Variants in AGAP1 observed in about 807,000 individuals in gnomAD.
AGAP1 encodes the protein ArfGAP with GTPase domain, ankyrin repeat and PH domain 1.
Under a neutral mutation model 105.3 loss-of-function variants are expected in AGAP1, and 29 were observed. That is an observed-to-expected ratio of 0.28 (90% confidence interval 0.21 to 0.38). The LOEUF (loss-of-function observed/expected upper bound fraction) is 0.38, where lower values mean the gene tolerates loss of function less well. Ranked by LOEUF, AGAP1 falls within the 10% of genes least tolerant of loss-of-function variation. AGAP1 has a pLI of 1.00. For synonymous variants in AGAP1, 509 were observed against 485.9 expected (o/e 1.05, Z -0.63); for missense variants, 998 against 1,165.1 (o/e 0.86, Z 2.09).
At position 235,883,440 on chromosome 2, in the gene AGAP1, C is replaced by T. The variant is rs1343995111; in HGVS notation, c.1146C>T (p.Pro382=). 1.2e-6 allele frequency: 2 copies of T among 1,613,826 alleles called. No individual in the cohort carries two copies. The highest frequency in any genetic ancestry group is 2.2e-5 in the South Asian group (2 of 91,044). The change falls in exon 10 of 18, where the codon CCC becomes CCT. Residue 382 remains proline, a synonymous_variant. Transcript: ENST00000304032. This position sits in a 1 kb window ranked among gnomAD's most constrained non-coding sequence, Gnocchi z 4.5. ...ACAATGGCGTGCTGACCTATCATCC[C>T]AGTTTACATGTGAGTATAGCCCCCT... The part of the protein sequence containing the change: ...LCDNGVLTYH[P]SLHDYMQNVH...
intron 1 of AGAP1, among the ~76,000 whole-genome samples, chr2:235,532,605 TA>T (rs778025945): frequency 2.6e-5 from 4 of 152,250 alleles, no homozygotes; most frequent in Non-Finnish European, 4.4e-5. Flanking sequence ...CGCCTTTTCA[TA>T]AACTGTCTTT....
chr2:235,607,986 C>T (rs976159308), intron 1 of AGAP1, among the ~76,000 whole-genome samples: 1 of 152,204 alleles, frequency 6.6e-6, no homozygotes, highest in Non-Finnish European at 1.5e-5. Context: ...GGAAGTGCCT[C>T]AAGTGAGCGA....
At position 235,750,440 on chromosome 2, in the gene AGAP1, G is replaced by C; in HGVS notation, c.625G>C (p.Glu209Gln). Reference sequence around the variant, plus strand: ...CGACCTGAAACGGTGCACGTACTACGAGACGTGTGCTACATACGGGCTGAA... The same window carrying C: ...CGACCTGAAACGGTGCACGTACTACCAGACGTGTGCTACATACGGGCTGAA... ...SNDLKRCTYY[E>Q]TCATYGLNVE... The change falls in exon 6 of 18, where the codon GAG (glutamate) becomes CAG (glutamine). Residue 209 changes from glutamate to glutamine, a missense_variant. Glu to Gln is a conservative substitution (Grantham distance 29, BLOSUM62 2). This residue lies in a region of AGAP1 where 735 missense variants were observed against 833.4 expected (regional missense o/e 0.88). Coordinates refer to ENST00000304032, the MANE Select transcript of AGAP1 (RefSeq NM_001037131.3). This position sits in a 1 kb window ranked among gnomAD's most constrained non-coding sequence, Gnocchi z 5.3. 1 of 1,614,214 alleles carries C rather than the reference G, an allele frequency of 6.2e-7. No homozygotes were observed. Among genetic ancestry groups the C allele is most frequent in the Non-Finnish European group, 8.5e-7 (1 of 1,180,030 alleles).
chr2:235,952,351 G>A (rs72989274), intron 12 of AGAP1, among the ~76,000 whole-genome samples: 2 of 149,382 alleles, frequency 1.3e-5, no homozygotes, highest in Non-Finnish European at 2.9e-5. Context: ...TATAACATAG[G>A]TTTTAAAAAA....
At chr2:236,111,913 T>C (rs1274057231) in intron 16 of AGAP1, among the ~76,000 whole-genome samples, 1 of 152,188 alleles carries the variant, frequency 6.6e-6, no homozygotes, top group Non-Finnish European at 1.5e-5. Flanking sequence ...CACAGTTGGT[T>C]GTTGCCTTTT....
At chr2:235,990,470 G>A (rs149277491) in intron 13 of AGAP1, among the ~76,000 whole-genome samples, 1 of 152,366 alleles carries the variant, frequency 6.6e-6, no homozygotes, top group East Asian at 1.9e-4. Flanking sequence ...TCACTCGTGT[G>A]TTTGATGGTT....
rs1335744652 is a variant in AGAP1, at chr2:236,119,431, C to T, written c.2115-761C>T. Among the ~76,000 whole-genome samples, 1 of 152,238 alleles carries T rather than the reference C, an allele frequency of 6.6e-6. No individual in the cohort carries two copies. Among genetic ancestry groups the T allele is most frequent in the East Asian group, 1.9e-4 (1 of 5,196 alleles). ...ACCTCCTCATTGGAGTCTCCACCCT[C>T]TCCTGCGTGAGTCTGTTGCCATGTT... On this transcript the variant is annotated intron_variant, in intron 16 of 17. Coordinates refer to ENST00000304032, the MANE Select transcript of AGAP1 (RefSeq NM_001037131.3). The surrounding 1 kb of genome is among the most constrained non-coding windows in gnomAD (Gnocchi z 6.6).
At chr2:236,122,046 G>C (rs2059912557) in intron 17 of AGAP1, among the ~76,000 whole-genome samples, 1 of 151,194 alleles carries the variant, frequency 6.6e-6, no homozygotes, top group East Asian at 2.0e-4. Context: ...CAAACTCCTG[G>C]GCTCAAGCAA....
Position 235,830,782 on chromosome 2 carries a change from G to C in AGAP1, c.1050+23451G>C, listed in dbSNP as rs1248583079. Among the ~76,000 whole-genome samples the C allele has an allele frequency of 6.6e-6, 1 of 152,194 alleles. No homozygotes were observed. Among genetic ancestry groups the C allele is most frequent in the Non-Finnish European group, 1.5e-5 (1 of 68,026 alleles). ...TATTTCTTCCTCGGAATTTTTAAGT[G>C]ATTTTACTTCTATTGGATGCTGTTG... On this transcript the variant is annotated intron_variant, in intron 9 of 17. Transcript: ENST00000304032. This position sits in a 1 kb window ranked among gnomAD's most constrained non-coding sequence, Gnocchi z 5.5.
At chr2:235,519,550 A>G (rs1942537859) in intron 1 of AGAP1, among the ~76,000 whole-genome samples, 1 of 152,298 alleles carries the variant, frequency 6.6e-6, no homozygotes, top group South Asian at 2.1e-4. Flanking sequence ...GATATAACAC[A>G]TATTTTCTTG....
chr2:235,773,105 A>G (rs1025048504), intron 6 of AGAP1, among the ~76,000 whole-genome samples: 3 of 152,234 alleles, frequency 2.0e-5, no homozygotes, highest in Non-Finnish European at 1.5e-5. Flanking sequence ...GCAGAGATTT[A>G]TTGAAAACAA....
At chr2:236,085,215 CAAAAAAAAAA>C (rs144353985) in intron 16 of AGAP1, among the ~76,000 whole-genome samples, 1 of 58,412 alleles carries the variant, frequency 1.7e-5, no homozygotes, top group Admixed American at 1.9e-4. Flanking sequence ...GACTCCGTCT[CAAAAAAAAAA>C]AAAAAAAAAA....
intron 13 of AGAP1, among the ~76,000 whole-genome samples, chr2:235,975,342 GT>G (rs563659211): frequency 3.6e-4 from 55 of 152,264 alleles, no homozygotes; most frequent in African/African-American, 1.1e-3. Context: ...ATCGTACAGT[GT>G]TGTTTTTTTT....
Position 235,906,385 on chromosome 2 carries a change from G to C in AGAP1, c.1156-2353G>C, listed in dbSNP as rs1216209313. 6.6e-6 allele frequency among the ~76,000 whole-genome samples: 1 copy of C among 152,178 alleles called. No individual in the cohort carries two copies. The highest frequency in any genetic ancestry group is 2.4e-5 in the African/African-American group (1 of 41,456). ...TCTTCCTCCTGGTTCTGACCCTGGT[G>C]TTTTGAGCTTTCTGTCTGCACCAAG... is the stretch of plus-strand genomic sequence containing the variant. On this transcript the variant is annotated intron_variant, in intron 10 of 17. Coordinates refer to ENST00000304032, the MANE Select transcript of AGAP1 (RefSeq NM_001037131.3). The surrounding 1 kb of genome is among the most constrained non-coding windows in gnomAD (Gnocchi z 5.3).
rs945456750 is a variant in AGAP1, at chr2:235,659,924, G to T, written c.164-49255G>T. Among the ~76,000 whole-genome samples, 1 of 152,192 alleles carries T rather than the reference G, an allele frequency of 6.6e-6. No individual in the cohort carries two copies. The highest frequency in any genetic ancestry group is 2.1e-4 in the South Asian group (1 of 4,830). The stretch of plus-strand genomic sequence containing the variant: ...CACAATGGGCCTGGCATGGGCCCAG[G>T]CTGGTGGGGTGGGCAGGGAAGGAAC... On this transcript the variant is annotated intron_variant, in intron 1 of 17. Coordinates refer to ENST00000304032, the MANE Select transcript of AGAP1 (RefSeq NM_001037131.3). This position sits in a 1 kb window ranked among gnomAD's most constrained non-coding sequence, Gnocchi z 5.0.
At chr2:235,718,930 T>C (rs537181128) in intron 3 of AGAP1, among the ~76,000 whole-genome samples, 11 of 152,216 alleles carry the variant, frequency 7.2e-5, no homozygotes, top group Non-Finnish European at 1.0e-4. Flanking sequence ...TTTGACGGCT[T>C]TTATTTGCTC....
rs1187899887 is a variant in AGAP1, at chr2:235,655,735, G to C, written c.164-53444G>C. Among the ~76,000 whole-genome samples the C allele has an allele frequency of 6.6e-6, 1 of 152,208 alleles. No homozygotes were observed. Among genetic ancestry groups the C allele is most frequent in the Admixed American group, 6.5e-5 (1 of 15,278 alleles). On this transcript the variant is annotated intron_variant, in intron 1 of 17. Transcript: ENST00000304032. This position sits in a 1 kb window ranked among gnomAD's most constrained non-coding sequence, Gnocchi z 4.3. The stretch of plus-strand genomic sequence containing the variant: ...GGAGCAGGATTCCTTATTTTGTGAA[G>C]AAAGGATCTTTAGTGCCACGTGTGT...
rs2056276766 is a variant in AGAP1, at chr2:236,005,150, T to A, written c.1646-31411T>A. On this transcript the variant is annotated intron_variant, in intron 13 of 17. Coordinates refer to ENST00000304032, the MANE Select transcript of AGAP1 (RefSeq NM_001037131.3). The surrounding 1 kb of genome is among the most constrained non-coding windows in gnomAD (Gnocchi z 4.1). ...TTGTGTGTGTGTGTGTTTTGGTTTT[T>A]GTTTGTTTGTTTTTGTGACAGGGTC... Among the ~76,000 whole-genome samples, 1 of 152,100 alleles carries A rather than the reference T, an allele frequency of 6.6e-6. No homozygotes were observed.
intron 1 of AGAP1, among the ~76,000 whole-genome samples, chr2:235,531,154 A>G (rs141117019): frequency 1.4e-4 from 21 of 152,344 alleles, no homozygotes; most frequent in East Asian, 1.4e-3. Flanking sequence ...TGGGATCACA[A>G]CTGATTCTCC....
Sources: gnomAD v4.1 joint callset for allele counts (sites outside exome capture counted in the v4.1 genomes callset) on GRCh38, gnomAD v4.1.1 for gene constraint, gnomAD v4.1.1 regional missense constraint, Gnocchi (gnomAD v3.1) non-coding constraint, MANE v1.5 for transcripts, NCBI Gene and HGNC (gene_info 2026-07-23, HGNC 2026-07-21) for gene names.